Variants in NUBPL observed in about 807,000 individuals in gnomAD.
NUBPL encodes the protein iron-sulfur cluster transfer protein NUBPL.
In NUBPL, 31 loss-of-function variants were observed where a neutral mutation model predicts 45.7. That is an observed-to-expected ratio of 0.68 (90% CI 0.51 to 0.92). NUBPL has a LOEUF of 0.92. Among genes scored for constraint, NUBPL ranks in the 40% least tolerant of loss-of-function variants. The pLI, the probability that NUBPL is intolerant of heterozygous loss-of-function variation, is 0.00. For missense variants in NUBPL, 401 were observed against 398.7 expected (o/e 1.01, Z -0.05); for synonymous variants, 144 against 140.9 (o/e 1.02, Z -0.15).
chr14:31,611,460 T>C lies in NUBPL; in HGVS notation c.382+12081T>C, dbSNP rs547756159. On this transcript the variant is annotated intron_variant, in intron 4 of 10. Coordinates refer to ENST00000281081, the MANE Select transcript of NUBPL (RefSeq NM_025152.3). Reference sequence around the variant, plus strand: ...TGGAAAGATTTTCCATGTTCATGGATTGGAAGAATCAATATTGTTAAATTG... The same window carrying C: ...TGGAAAGATTTTCCATGTTCATGGACTGGAAGAATCAATATTGTTAAATTG... 7.2e-5 allele frequency among the ~76,000 whole-genome samples: 11 copies of C among 152,322 alleles called. No individual in the cohort carries two copies. In the South Asian group the frequency reaches 1.9e-3, roughly 26 times the overall value.
At chr14:31,831,055 TA>T (rs2040181436) in intron 8 of NUBPL, among the ~76,000 whole-genome samples, 1 of 151,892 alleles carries the variant, frequency 6.6e-6, no homozygotes, top group African/African-American at 2.4e-5. Context: ...TTTATTTATT[TA>T]TTTTTTTGAG....
intron 6 of NUBPL, among the ~76,000 whole-genome samples, chr14:31,744,928 G>A (rs1246147473): frequency 6.6e-6 from 1 of 151,370 alleles, no homozygotes. Flanking sequence ...CCAAGATCTT[G>A]TAGAATCTTT....
chr14:31,808,856 C>G (rs1405626258), intron 7 of NUBPL, among the ~76,000 whole-genome samples: 1 of 152,148 alleles, frequency 6.6e-6, no homozygotes. Context: ...AAGGCCTTTT[C>G]TGCATCTATT....
intron 4 of NUBPL, among the ~76,000 whole-genome samples, chr14:31,601,546 AAAAC>A (rs2034434408): frequency 6.6e-6 from 1 of 152,188 alleles, no homozygotes; most frequent in African/African-American, 2.4e-5. Context: ...TACAAGAAAA[AAAAC>A]AAACAACCCC....
chr14:31,799,572 A>G (rs2039544588), intron 7 of NUBPL, among the ~76,000 whole-genome samples: 1 of 152,232 alleles, frequency 6.6e-6, no homozygotes, highest in African/African-American at 2.4e-5. Flanking sequence ...AGTTGCATGA[A>G]CTTTTTGGTT....
At chr14:31,714,960 A>G (rs771059241) in intron 6 of NUBPL, among the ~76,000 whole-genome samples, 2 of 152,184 alleles carry the variant, frequency 1.3e-5, no homozygotes, top group Non-Finnish European at 1.5e-5. Flanking sequence ...CTTCCACTAA[A>G]CACCAGCCTA....
chr14:31,638,836 C>G, intron 4 of NUBPL, among the ~76,000 whole-genome samples: 2 of 152,202 alleles, frequency 1.3e-5, no homozygotes, highest in South Asian at 4.1e-4. Flanking sequence ...TCATTCATTT[C>G]ATCTTCCATC....
intron 3 of NUBPL, among the ~76,000 whole-genome samples, chr14:31,584,579 A>G (rs899053783): frequency 2.6e-5 from 4 of 152,122 alleles, no homozygotes; most frequent in African/African-American, 4.8e-5. Context: ...TCCAAAAGAA[A>G]CCCCATACCC....
rs182035420 is a variant in NUBPL at position 31,798,391 on chromosome 14, G to T, written c.607+10518G>T. Among the ~76,000 whole-genome samples, 2 of 150,738 alleles carry T rather than the reference G, an allele frequency of 1.3e-5. 1 individual carries two copies. The highest frequency in any genetic ancestry group is 1.3e-4 in the Admixed American group (2 of 15,136). On this transcript the variant is annotated intron_variant, in intron 7 of 10. Transcript: ENST00000281081. ...GTATTCCCTTTGTTTTAGTGTGTGG[G>T]ATAGTAGTGTGCATGTGGGCATTTG... is the stretch of plus-strand genomic sequence containing the variant.
At chr14:31,626,652 C>G (rs1243715373) in intron 4 of NUBPL, among the ~76,000 whole-genome samples, 4 of 152,172 alleles carry the variant, frequency 2.6e-5, no homozygotes, top group Non-Finnish European at 1.5e-5. Context: ...CCAAAACGAG[C>G]TACACCTGTC....
Position 31,841,917 on chromosome 14 carries a change from C to CTTTTGTTTTTT in NUBPL, c.694-4550_694-4549insGTTTTTTTTTT. ...CTTTCATGTATGGGTCGATTCTGGG[C>CTTTTGTTTTTT]TTTTTTTTTTTTTTTTTTTTTTTTT... On this transcript the variant is annotated intron_variant, in intron 8 of 10. Transcript: ENST00000281081. 3.5e-3 allele frequency among the ~76,000 whole-genome samples: 150 copies of CTTTTGTTTTTT among 43,044 alleles called. 14 individuals carry two copies. The highest frequency in any genetic ancestry group is 6.8e-3 in the African/African-American group (73 of 10,814). The allele number at this position is 43,044 out of a possible 152,430, so 28.2% of individuals were successfully genotyped here.
chr14:31,676,467 T>C (rs915544118), intron 6 of NUBPL, among the ~76,000 whole-genome samples: 4 of 152,024 alleles, frequency 2.6e-5, no homozygotes, highest in Non-Finnish European at 5.9e-5. Context: ...TTTTTTTTTC[T>C]GTTGATGAAT....
At chr14:31,735,508 G>A (rs777517515) in intron 6 of NUBPL, among the ~76,000 whole-genome samples, 16 of 152,120 alleles carry the variant, frequency 1.1e-4, no homozygotes, top group Admixed American at 4.6e-4. Flanking sequence ...CTTCTTAAAT[G>A]TTTCCCACCG....
At chr14:31,847,009 G>A (rs2040464675) in intron 9 of NUBPL, among the ~76,000 whole-genome samples, 2 of 151,904 alleles carry the variant, frequency 1.3e-5, no homozygotes, top group African/African-American at 4.8e-5. Flanking sequence ...GTTGCTTTTG[G>A]CTTTGTGTTT....
chr14:31,666,919 C>G (rs1343966089), intron 4 of NUBPL, among the ~76,000 whole-genome samples: 2 of 152,206 alleles, frequency 1.3e-5, no homozygotes, highest in African/African-American at 2.4e-5. Context: ...GTAGAGAGAT[C>G]TACTGTTAGT....
chr14:31,750,587 G>A (rs1036950411), intron 6 of NUBPL, among the ~76,000 whole-genome samples: 1 of 151,970 alleles, frequency 6.6e-6, no homozygotes, highest in African/African-American at 2.4e-5. Context: ...TTCTTTGGAG[G>A]CGTCATTTTT....
intron 4 of NUBPL, among the ~76,000 whole-genome samples, chr14:31,637,158 C>G (rs2035528701): frequency 6.6e-6 from 1 of 151,954 alleles, no homozygotes; most frequent in Non-Finnish European, 1.5e-5. Flanking sequence ...TCTTGCTTTT[C>G]TAGTTCTTTT....
At chr14:31,765,139 CA>C (rs1334358567) in intron 6 of NUBPL, among the ~76,000 whole-genome samples, 1 of 151,594 alleles carries the variant, frequency 6.6e-6, no homozygotes, top group Non-Finnish European at 1.5e-5. Flanking sequence ...TTGATATATT[CA>C]AAAAAAAGGT....
intron 4 of NUBPL, among the ~76,000 whole-genome samples, chr14:31,603,103 G>C (rs2034489043): frequency 6.6e-6 from 1 of 151,920 alleles, no homozygotes; most frequent in African/African-American, 2.4e-5. Context: ...CTTGAGCCCA[G>C]GAGTTCAAGA....
Sources: allele counts gnomAD v4.1 joint callset (sites outside exome capture counted in the v4.1 genomes callset), GRCh38; gene constraint gnomAD v4.1.1; transcripts MANE v1.5; gene names NCBI Gene and HGNC (gene_info 2026-07-23, HGNC 2026-07-21).